The following CNTN6 variants were observed in gnomAD, a reference collection of about 807,000 sequenced individuals.
CNTN6 encodes contactin 6, also known as contactin-6.
CNTN6 carries 137 observed loss-of-function variants against 122.8 expected under a neutral mutation model. That is an observed-to-expected ratio of 1.12 (90% CI 0.97 to 1.29). CNTN6 has a LOEUF of 1.29. CNTN6 is among the 50% of genes most tolerant of loss of function. The pLI, the probability that CNTN6 is intolerant of heterozygous loss-of-function variation, is 0.00. For missense variants in CNTN6, 1,634 were observed against 1,223.4 expected, an observed-to-expected ratio of 1.34 and a Z score of -5.01; for synonymous variants, 570 against 426.0, an observed-to-expected ratio of 1.34 and a Z score of -4.16.
intron 1 of CNTN6, among the ~76,000 whole-genome samples, chr3:1,108,185 A>T (rs574458112): frequency 6.6e-6 from 1 of 152,164 alleles, no homozygotes; most frequent in African/African-American, 2.4e-5. Flanking sequence ...AGAGACAATG[A>T]CATATATCAA....
intron 12 of CNTN6, among the ~76,000 whole-genome samples, chr3:1,357,750 T>C (rs1559912667): frequency 6.6e-6 from 1 of 151,938 alleles, no homozygotes; most frequent in Non-Finnish European, 1.5e-5. Flanking sequence ...CAGCCTTCAT[T>C]CATTAGAGTG....
intron 7 of CNTN6, among the ~76,000 whole-genome samples, chr3:1,311,027 A>C (rs1490735721): frequency 6.6e-6 from 1 of 151,938 alleles, no homozygotes; most frequent in Non-Finnish European, 1.5e-5. Flanking sequence ...TTGAAATGAG[A>C]GCTGAGGGCA....
intron 1 of CNTN6, among the ~76,000 whole-genome samples, chr3:1,120,251 G>C (rs1032931974): frequency 2.6e-5 from 4 of 151,770 alleles, no homozygotes; most frequent in Admixed American, 2.0e-4. Flanking sequence ...GGAATTGATG[G>C]GTTATATGTG....
rs1440477777 is a variant in CNTN6 at position 1,392,092 on chromosome 3, C to T, written c.2704+6295C>T. ...TATGGAACCAAAAAAGAGCCCGCAT[C>T]GCCAAGTCAATTCTAAGCCAAAAGA... On this transcript the variant is annotated intron_variant, in intron 20 of 22. Coordinates refer to ENST00000446702, the MANE Select transcript of CNTN6 (RefSeq NM_001289080.2). Among the ~76,000 whole-genome samples, 1,093 of 152,222 alleles carry T rather than the reference C, an allele frequency of 7.2e-3. 7 individuals are homozygous for T. Among genetic ancestry groups the T allele is most frequent in the African/African-American group, 0.023 (973 of 41,520 alleles).
At chr3:1,207,478 A>G (rs1018360667) in intron 2 of CNTN6, among the ~76,000 whole-genome samples, 9 of 152,026 alleles carry the variant, frequency 5.9e-5, no homozygotes, top group African/African-American at 2.2e-4. Flanking sequence ...TTCTCAGTGC[A>G]TGTTTTATTA....
intron 12 of CNTN6, among the ~76,000 whole-genome samples, chr3:1,358,196 C>T (rs192499921): frequency 3.3e-5 from 5 of 151,948 alleles, no homozygotes; most frequent in Admixed American, 2.6e-4. Context: ...TCAACCGATA[C>T]GTTTATTCTG....
chr3:1,273,869 C>T (rs1691829841), intron 4 of CNTN6, among the ~76,000 whole-genome samples: 1 of 152,136 alleles, frequency 6.6e-6, no homozygotes. Context: ...TATCAGTGTT[C>T]TTATCAGCAG....
intron 1 of CNTN6, among the ~76,000 whole-genome samples, chr3:1,098,860 A>G (rs1278264212): frequency 6.9e-6 from 1 of 144,716 alleles, no homozygotes; most frequent in East Asian, 2.1e-4. Flanking sequence ...AAATTTAATA[A>G]TGACCAATTC....
In CNTN6 at chr3:1,172,466, C is replaced by T. The variant is rs551459502; in HGVS notation, c.55+24403C>T. On this transcript the variant is annotated intron_variant, in intron 2 of 22. Coordinates refer to ENST00000446702, the MANE Select transcript of CNTN6 (RefSeq NM_001289080.2). ...CATTTAATCTGTATAGTGAAACTTT[C>T]GAGTAAAGTTTTCTGAGATCAAAAG... Among the ~76,000 whole-genome samples, 22 of 152,252 alleles carry T rather than the reference C, an allele frequency of 1.4e-4. No homozygotes were observed. In the East Asian group the frequency reaches 2.7e-3, roughly 19 times the overall value.
chr3:1,327,397 C>A (rs1701682564), intron 9 of CNTN6, 60 bp from the exon 10 acceptor site: 1 of 1,517,170 alleles, frequency 6.6e-7, no homozygotes, highest in Non-Finnish European at 9.1e-7. Flanking sequence ...ATAACATATC[C>A]TGGTTAAGAG....
At position 1,353,634 on chromosome 3, in the gene CNTN6, A is replaced by C. The variant is rs1706044236; in HGVS notation, c.1492+1183A>C. On this transcript the variant is annotated intron_variant, in intron 12 of 22. Transcript: ENST00000446702. The stretch of plus-strand genomic sequence containing the variant: ...TTTAGGAACAGACTATTTCTCCAGC[A>C]AATTTTTGGCAATACTCAGACACTG... 2.0e-5 allele frequency among the ~76,000 whole-genome samples: 3 copies of C among 151,818 alleles called. No homozygotes were observed. The South Asian group carries it at 6.2e-4, about 31-fold the overall frequency.
intron 1 of CNTN6, among the ~76,000 whole-genome samples, chr3:1,116,303 G>A (rs1035110871): frequency 1.3e-5 from 2 of 152,058 alleles, no homozygotes; most frequent in African/African-American, 2.4e-5. Flanking sequence ...TAGCAAAATC[G>A]AAGGAATGAG....
intron 7 of CNTN6, among the ~76,000 whole-genome samples, chr3:1,311,305 G>A (rs1265258610): frequency 7.1e-6 from 1 of 140,288 alleles, no homozygotes; most frequent in African/African-American, 2.6e-5. Context: ...ATACGTATAT[G>A]TACATATAAA....
At chr3:1,372,531 T>C (rs746618990) in intron 13 of CNTN6, 57 bp downstream of exon 13, 10 of 1,346,284 alleles carry the variant, frequency 7.4e-6, no homozygotes, top group South Asian at 1.4e-5. Context: ...TTTACATGAA[T>C]CACCATTTTT....
rs1559305939 is a variant in CNTN6, at chr3:1,098,797, TATATATATATATATATATATAG to T, written c.-83+5678_-83+5699del. ...ACACACACACACACACACATATATA[TATATATATATATATATATATAG>T]TGGGAAATTTTAAGTATTCAGGTAA... On this transcript the variant is annotated intron_variant, in intron 1 of 22. Coordinates refer to ENST00000446702, the MANE Select transcript of CNTN6 (RefSeq NM_001289080.2). Among the ~76,000 whole-genome samples, 3 of 114,334 alleles carry T rather than the reference TATATATATATATATATATATAG, an allele frequency of 2.6e-5. No individual in the cohort carries two copies. The East Asian group carries it at 6.6e-4, about 25-fold the overall frequency. The allele number at this position is 114,334 out of a possible 152,430, so 75.0% of individuals were successfully genotyped here.
intron 2 of CNTN6, among the ~76,000 whole-genome samples, chr3:1,191,678 G>C (rs2093704874): frequency 6.6e-6 from 1 of 152,180 alleles, no homozygotes. Flanking sequence ...CAGAAGTGTG[G>C]ACACCCTGGG....
At chr3:1,352,855 G>A (rs1023841178) in intron 12 of CNTN6, among the ~76,000 whole-genome samples, 4 of 151,524 alleles carry the variant, frequency 2.6e-5, no homozygotes, top group Non-Finnish European at 5.9e-5. Context: ...TACATAACTG[G>A]CTAATTTGTT....
chr3:1,386,064 C>T (rs74711438), intron 20 of CNTN6, among the ~76,000 whole-genome samples: 27 of 152,280 alleles, frequency 1.8e-4, no homozygotes, highest in South Asian at 4.1e-4. Flanking sequence ...CTGGCCCTGA[C>T]GCCCTCCTTC....
intron 20 of CNTN6, among the ~76,000 whole-genome samples, chr3:1,398,710 GTTTCA>G (rs1386733456): frequency 7.3e-5 from 10 of 137,738 alleles, no homozygotes; most frequent in Non-Finnish European, 1.1e-4. Context: ...GGAGTTATTC[GTTTCA>G]TTTTATAATG....
Sources: gnomAD v4.1 joint callset for allele counts (sites outside exome capture counted in the v4.1 genomes callset) on GRCh38, gnomAD v4.1.1 for gene constraint, MANE v1.5 for transcripts, NCBI Gene and HGNC (gene_info 2026-07-23, HGNC 2026-07-21) for gene names.